CHST11: variants seen among roughly 807,000 people sequenced by gnomAD.
The protein encoded by CHST11 is carbohydrate sulfotransferase 11.
Under a neutral mutation model 30.4 loss-of-function variants are expected in CHST11, and 9 were observed. That is an observed-to-expected ratio of 0.30 (90% CI 0.18 to 0.52). The LOEUF (loss-of-function observed/expected upper bound fraction) is 0.52. Ranked by LOEUF, CHST11 falls within the 20% of genes least tolerant of loss-of-function variation. CHST11 has a pLI of 0.97. For missense variants in CHST11, 348 were observed against 460.6 expected (o/e 0.76, Z 2.24); for synonymous variants, 152 against 187.8 (o/e 0.81, Z 1.56).
intron 2 of CHST11, among the ~76,000 whole-genome samples, chr12:104,643,895 G>A (rs1401106955): frequency 6.6e-6 from 1 of 152,158 alleles, no homozygotes; most frequent in Admixed American, 6.6e-5. Flanking sequence ...CTCATAAAGA[G>A]ACTTGTCAAA....
chr12:104,472,824 C>G (rs913368775), intron 1 of CHST11, among the ~76,000 whole-genome samples: 2 of 151,850 alleles, frequency 1.3e-5, no homozygotes, highest in African/African-American at 4.8e-5. Context: ...TGGAAGGAAA[C>G]CTTCCAGGGA....
In CHST11 at chr12:104,760,333, T is replaced by C. The variant is rs1299353410; in HGVS notation, c.*2530T>C. 6.6e-6 allele frequency: 1 copy of C among 151,948 alleles called. No homozygotes were observed. Among genetic ancestry groups the C allele is most frequent in the Non-Finnish European group, 1.5e-5 (1 of 67,986 alleles). 9.4% of individuals were successfully genotyped at this position (151,948 alleles called of 1,614,324 possible). A position where few individuals can be genotyped will look rare whatever the true frequency, so the allele number is the denominator to read the frequency against. On this transcript the variant is annotated 3_prime_UTR_variant, in exon 3 of 3. Coordinates refer to ENST00000303694, the MANE Select transcript of CHST11 (RefSeq NM_018413.6). The stretch of plus-strand genomic sequence containing the variant: ...AGAGGTACTTTATTTAATGAAGCAA[T>C]GGTTCTAATCCTGGATACTGCCACG...
At chr12:104,626,482 A>G (rs550592845) in intron 2 of CHST11, among the ~76,000 whole-genome samples, 2 of 151,500 alleles carry the variant, frequency 1.3e-5, no homozygotes, top group South Asian at 4.2e-4. Flanking sequence ...AATACTTTAC[A>G]GGATTGGGGC....
intron 1 of CHST11, among the ~76,000 whole-genome samples, chr12:104,593,822 T>C (rs2038883764): frequency 6.6e-6 from 1 of 152,210 alleles, no homozygotes; most frequent in East Asian, 1.9e-4. Flanking sequence ...GGCTCATGTT[T>C]ACTGGGTCTT....
At chr12:104,493,532 G>A (rs2037770387) in intron 1 of CHST11, among the ~76,000 whole-genome samples, 1 of 152,170 alleles carries the variant, frequency 6.6e-6, no homozygotes, top group African/African-American at 2.4e-5. Context: ...CTGGTGAGAG[G>A]GGTGGAAATA....
At chr12:104,574,488 AG>A (rs1302308021) in intron 1 of CHST11, among the ~76,000 whole-genome samples, 3 of 152,244 alleles carry the variant, frequency 2.0e-5, no homozygotes, top group Admixed American at 6.5e-5. Context: ...GACTGGATTA[AG>A]AAAATGTGGC....
intron 1 of CHST11, among the ~76,000 whole-genome samples, chr12:104,557,884 C>T (rs1374941696): frequency 6.6e-6 from 1 of 151,946 alleles, no homozygotes; most frequent in Non-Finnish European, 1.5e-5. Flanking sequence ...GAGAAGCCTT[C>T]GTGGGGGTGT....
intron 1 of CHST11, 114 bp downstream of exon 1, chr12:104,457,643 G>A: frequency 3.7e-6 from 3 of 804,762 alleles, no homozygotes; most frequent in Admixed American, 3.5e-5. Context: ...CGGCCTCTTC[G>A]GGGCTCCTGG....
chr12:104,656,176 G>GAATCA (rs1387460291), intron 2 of CHST11, among the ~76,000 whole-genome samples: 1 of 152,194 alleles, frequency 6.6e-6, no homozygotes, highest in African/African-American at 2.4e-5. Context: ...TGTCCACCTC[G>GAATCA]AATCAAATCA....
intron 2 of CHST11, among the ~76,000 whole-genome samples, chr12:104,641,505 A>G (rs1286622416): frequency 6.6e-6 from 1 of 152,092 alleles, no homozygotes; most frequent in Non-Finnish European, 1.5e-5. Flanking sequence ...TGAGGGGTGG[A>G]ACAGTGAGTG....
intron 2 of CHST11, among the ~76,000 whole-genome samples, chr12:104,743,200 C>A (rs2040361531): frequency 6.6e-6 from 1 of 152,162 alleles, no homozygotes. Context: ...AAGGGAGAGA[C>A]CAGCAAAATA....
At chr12:104,652,204 C>T (rs987031912) in intron 2 of CHST11, among the ~76,000 whole-genome samples, 1 of 152,150 alleles carries the variant, frequency 6.6e-6, no homozygotes, top group African/African-American at 2.4e-5. Context: ...CAATCATTTA[C>T]ATTTTCAGTG....
intron 1 of CHST11, among the ~76,000 whole-genome samples, chr12:104,574,102 A>T: frequency 6.6e-6 from 1 of 152,254 alleles, no homozygotes; most frequent in African/African-American, 2.4e-5. Flanking sequence ...CAAAAGACAC[A>T]TGAAAAAATG....
At chr12:104,606,205 G>A (rs1352514403) in intron 2 of CHST11, among the ~76,000 whole-genome samples, 3 of 150,506 alleles carry the variant, frequency 2.0e-5, no homozygotes, top group African/African-American at 7.3e-5. Context: ...GGAAAACTGA[G>A]AATGACAAGA....
chr12:104,593,863 C>T (rs1313357209), intron 1 of CHST11, among the ~76,000 whole-genome samples: 1 of 152,176 alleles, frequency 6.6e-6, no homozygotes, highest in Non-Finnish European at 1.5e-5. Flanking sequence ...ATCACAGCAC[C>T]ACGACAGCAT....
intron 2 of CHST11, among the ~76,000 whole-genome samples, chr12:104,610,089 G>GTC (rs1179213324): frequency 8.3e-5 from 9 of 107,958 alleles, no homozygotes; most frequent in African/African-American, 2.6e-4. Flanking sequence ...GTGTGTGTGT[G>GTC]TGTGTGTCTG....
chr12:104,573,959 C>T (rs1040171288), intron 1 of CHST11, among the ~76,000 whole-genome samples: 17 of 152,240 alleles, frequency 1.1e-4, no homozygotes, highest in African/African-American at 2.9e-4. Flanking sequence ...GCAATCTACT[C>T]ATCTGACAGA....
At chr12:104,596,719 A>G (rs1440001937) in intron 1 of CHST11, among the ~76,000 whole-genome samples, 10 of 152,210 alleles carry the variant, frequency 6.6e-5, no homozygotes, top group Admixed American at 5.9e-4. Flanking sequence ...CAATGAAACA[A>G]TGTGAGAAAA....
chr12:104,740,956 A>T (rs905301438), intron 2 of CHST11, among the ~76,000 whole-genome samples: 2 of 152,234 alleles, frequency 1.3e-5, no homozygotes, highest in African/African-American at 4.8e-5. Context: ...GTCCTTCTTG[A>T]AAGAGGAAAA....
Sources: allele counts gnomAD v4.1 joint callset (sites outside exome capture counted in the v4.1 genomes callset), GRCh38; gene constraint gnomAD v4.1.1; transcripts MANE v1.5; gene names NCBI Gene and HGNC (gene_info 2026-07-23, HGNC 2026-07-21).